The following AUTS2 variants were observed in gnomAD, a reference collection of about 807,000 sequenced individuals.
AUTS2 encodes activator of transcription and developmental regulator AUTS2, also known as autism susceptibility gene 2 protein.
Under a neutral mutation model 112.4 loss-of-function variants are expected in AUTS2, and 17 were observed. The ratio of observed to expected loss-of-function variants is 0.15; its 90% CI spans 0.10 to 0.23. The LOEUF (loss-of-function observed/expected upper bound fraction) is 0.23. Among genes scored for constraint, AUTS2 ranks in the 10% least tolerant of loss-of-function variants. The probability of loss-of-function intolerance (pLI) is 1.00; values close to 1 mark genes in which losing one functional copy is unlikely to be tolerated. For missense variants in AUTS2, 1,510 were observed against 1,701.6 expected, an observed-to-expected ratio of 0.89 and a Z score of 1.98; for synonymous variants, 751 against 702.7, an observed-to-expected ratio of 1.07 and a Z score of -1.09.
intron 4 of AUTS2, among the ~76,000 whole-genome samples, chr7:70,169,557 C>T (rs976228287): frequency 2.6e-5 from 4 of 152,218 alleles, no homozygotes; most frequent in Admixed American, 6.5e-5. Context: ...TTCTTAAAAA[C>T]AATTGTGACC....
At chr7:70,484,249 C>T (rs1212710699) in intron 5 of AUTS2, among the ~76,000 whole-genome samples, 1 of 152,200 alleles carries the variant, frequency 6.6e-6, no homozygotes, top group Non-Finnish European at 1.5e-5. Flanking sequence ...ACAAAAACAG[C>T]TCATAAATTT....
intron 4 of AUTS2, among the ~76,000 whole-genome samples, chr7:70,206,902 T>A (rs778891916): frequency 6.6e-6 from 1 of 152,236 alleles, no homozygotes; most frequent in Non-Finnish European, 1.5e-5. Context: ...ATTTTTTTCC[T>A]TATTTTTTTT....
intron 5 of AUTS2, among the ~76,000 whole-genome samples, chr7:70,554,362 C>A (rs1361663133): frequency 1.3e-5 from 2 of 151,440 alleles, no homozygotes; most frequent in African/African-American, 4.8e-5. Flanking sequence ...AGCCACTGTG[C>A]CCGGCCTCTT....
At position 70,663,616 on chromosome 7, in the gene AUTS2, A is replaced by G. The variant is rs575870078; in HGVS notation, c.691-34953A>G. Reference sequence around the variant, plus strand: ...GCCTCTTACTTTCTATATCCACCCAATCATGGGGAGGAAGACTCAGAATTG... The same window carrying G: ...GCCTCTTACTTTCTATATCCACCCAGTCATGGGGAGGAAGACTCAGAATTG... On this transcript the variant is annotated intron_variant, in intron 5 of 18. Transcript: ENST00000342771. Among the ~76,000 whole-genome samples the G allele has an allele frequency of 8.6e-5, 13 of 151,434 alleles. No homozygotes were observed. The South Asian group carries it at 1.9e-3, about 22-fold the overall frequency.
At chr7:70,285,045 C>T (rs1304403977) in intron 4 of AUTS2, among the ~76,000 whole-genome samples, 1 of 151,910 alleles carries the variant, frequency 6.6e-6, no homozygotes, top group Non-Finnish European at 1.5e-5. Context: ...TACAAATAAC[C>T]GGATACTGTA....
intron 1 of AUTS2, among the ~76,000 whole-genome samples, chr7:69,690,804 T>A (rs1797306999): frequency 6.6e-6 from 1 of 152,226 alleles, no homozygotes; most frequent in South Asian, 2.1e-4. Context: ...TACACCCCTT[T>A]CAGTCCCGCA....
intron 1 of AUTS2, among the ~76,000 whole-genome samples, chr7:69,843,065 G>A (rs1792049959): frequency 6.6e-6 from 1 of 152,138 alleles, no homozygotes; most frequent in African/African-American, 2.4e-5. Flanking sequence ...GCTGCAGTTA[G>A]TCCCTTGTTA....
chr7:70,101,132 C>A (rs1375441392), intron 2 of AUTS2, among the ~76,000 whole-genome samples: 1 of 152,104 alleles, frequency 6.6e-6, no homozygotes, highest in African/African-American at 2.4e-5. Context: ...CCAGCCTCGG[C>A]CTCCCAAAGT....
chr7:70,366,403 A>G (rs1032670888), intron 4 of AUTS2, among the ~76,000 whole-genome samples: 33 of 152,192 alleles, frequency 2.2e-4, no homozygotes, highest in African/African-American at 8.0e-4. Flanking sequence ...AAAGCTCCCC[A>G]GAGAGAGAGA....
At chr7:70,533,492 T>TC (rs1800182099) in intron 5 of AUTS2, among the ~76,000 whole-genome samples, 1 of 152,150 alleles carries the variant, frequency 6.6e-6, no homozygotes, top group Admixed American at 6.5e-5. Context: ...GAACCCTGGC[T>TC]CTATGCTTTT....
chr7:70,195,239 T>C (rs1810111643), intron 4 of AUTS2, among the ~76,000 whole-genome samples: 1 of 152,206 alleles, frequency 6.6e-6, no homozygotes, highest in African/African-American at 2.4e-5. Flanking sequence ...TCACAAATTA[T>C]GTCTGTCTGT....
intron 4 of AUTS2, among the ~76,000 whole-genome samples, chr7:70,416,406 C>G (rs1794988555): frequency 6.6e-6 from 1 of 152,186 alleles, no homozygotes; most frequent in Non-Finnish European, 1.5e-5. Flanking sequence ...TGACTGCACA[C>G]TCAGCCTATT....
At chr7:70,163,428 T>G (rs532570677) in intron 4 of AUTS2, among the ~76,000 whole-genome samples, 11 of 147,026 alleles carry the variant, frequency 7.5e-5, no homozygotes, top group Non-Finnish European at 1.3e-4. Context: ...AACCAGAAAT[T>G]TGAAATTTAG....
chr7:70,500,372 A>G (rs958662527), intron 5 of AUTS2, among the ~76,000 whole-genome samples: 3 of 152,202 alleles, frequency 2.0e-5, no homozygotes, highest in Admixed American at 6.5e-5. Flanking sequence ...AAAGGAATGC[A>G]GAAGGAAAGT....
At chr7:69,981,426 C>T (rs1439985426) in intron 2 of AUTS2, among the ~76,000 whole-genome samples, 1 of 152,104 alleles carries the variant, frequency 6.6e-6, no homozygotes, top group South Asian at 2.1e-4. Flanking sequence ...GAATATGTAA[C>T]TGTATTTTTT....
intron 3 of AUTS2, among the ~76,000 whole-genome samples, chr7:70,130,658 G>T (rs2129574537): frequency 6.6e-6 from 1 of 151,756 alleles, no homozygotes; most frequent in Non-Finnish European, 1.5e-5. Flanking sequence ...GTAGTTTGCA[G>T]AGATTGCTGG....
chr7:69,757,356 T>C (rs111557019), intron 1 of AUTS2, among the ~76,000 whole-genome samples: 3 of 152,324 alleles, frequency 2.0e-5, no homozygotes, highest in African/African-American at 7.2e-5. Context: ...TTGCTCCCTG[T>C]GAGGGACTTG....
intron 4 of AUTS2, among the ~76,000 whole-genome samples, chr7:70,349,482 T>A (rs1791652806): frequency 2.0e-5 from 3 of 152,156 alleles, no homozygotes. Flanking sequence ...CTTGAAGGAC[T>A]TTTTTTGTGG....
intron 5 of AUTS2, among the ~76,000 whole-genome samples, chr7:70,641,320 C>G (rs550486039): frequency 5.9e-5 from 9 of 152,084 alleles, no homozygotes; most frequent in Non-Finnish European, 4.4e-5. Flanking sequence ...GAGGCCAAGG[C>G]AGGCGGATCA....
Sources: gnomAD v4.1 joint callset for allele counts (sites outside exome capture counted in the v4.1 genomes callset) on GRCh38, gnomAD v4.1.1 for gene constraint, MANE v1.5 for transcripts, NCBI Gene and HGNC (gene_info 2026-07-23, HGNC 2026-07-21) for gene names.